Variants in ANKUB1 observed in about 807,000 individuals in gnomAD.
ANKUB1 encodes ankyrin repeat and ubiquitin domain containing 1.
Under a neutral mutation model 49.3 loss-of-function variants are expected in ANKUB1, and 42 were observed. The observed-to-expected ratio is 0.85, with a 90% CI of 0.67 to 1.10. The LOEUF (loss-of-function observed/expected upper bound fraction) is 1.10, where lower values mean the gene tolerates loss of function less well. Among genes scored for constraint, ANKUB1 ranks in the 50% least tolerant of loss-of-function variants. The pLI is 0.00. For synonymous variants in ANKUB1, 222 were observed against 231.0 expected (o/e 0.96, Z 0.35); for missense variants, 613 against 642.0 (o/e 0.95, Z 0.49).
intron 4 of ANKUB1, among the ~76,000 whole-genome samples, chr3:149,770,082 A>G (rs1455354015): frequency 6.6e-6 from 1 of 152,170 alleles, no homozygotes; most frequent in Admixed American, 6.5e-5. Context: ...ACTAGGAAAT[A>G]TATTTTCTTT....
intron 5 of ANKUB1, among the ~76,000 whole-genome samples, chr3:149,765,426 G>A (rs1037970091): frequency 6.6e-6 from 1 of 152,078 alleles, no homozygotes; most frequent in Non-Finnish European, 1.5e-5. Flanking sequence ...CCATATATGT[G>A]AGATTAGTGG....
At chr3:149,789,616 T>C (rs1165903786) in intron 2 of ANKUB1, among the ~76,000 whole-genome samples, 1 of 148,004 alleles carries the variant, frequency 6.8e-6, no homozygotes, top group Non-Finnish European at 1.5e-5. Context: ...TAATAATAAA[T>C]ATTGAAGAAT....
chr3:149,764,457 A>G (rs1046807997), intron 5 of ANKUB1, among the ~76,000 whole-genome samples: 11 of 151,626 alleles, frequency 7.3e-5, no homozygotes, highest in Non-Finnish European at 1.6e-4. Context: ...AAATGGAAAG[A>G]GGATTTGCTA....
chr3:149,764,947 G>A (rs773697925), intron 5 of ANKUB1, among the ~76,000 whole-genome samples: 20 of 151,836 alleles, frequency 1.3e-4, no homozygotes, highest in Non-Finnish European at 2.6e-4. Context: ...CCTATGACCC[G>A]GCAATTCTAT....
chr3:149,767,030 G>T, intron 5 of ANKUB1, 127 bp downstream of exon 5: 1 of 1,041,472 alleles, frequency 9.6e-7, no homozygotes. Flanking sequence ...CCTTGAAGCT[G>T]GGTATTGATG....
In ANKUB1 at chr3:149,762,562, C is replaced by T. The variant is rs569445927; in HGVS notation, c.1506-949G>A. 3.9e-5 allele frequency among the ~76,000 whole-genome samples: 6 copies of T among 152,240 alleles called. No homozygotes were observed. The East Asian group carries it at 1.2e-3, about 29-fold the overall frequency. Reference sequence around the variant, plus strand: ...TAACTACTGTTGTTCTAGTCCAGGTCTTTATTTTCTCTTATTTCTCTTTTT... The same window carrying T: ...TAACTACTGTTGTTCTAGTCCAGGTTTTTATTTTCTCTTATTTCTCTTTTT... On this transcript the variant is annotated intron_variant, in intron 5 of 5. Transcript: ENST00000446160.
At chr3:149,791,179 G>A (rs566249660) in intron 1 of ANKUB1, among the ~76,000 whole-genome samples, 7 of 152,210 alleles carry the variant, frequency 4.6e-5, no homozygotes, top group South Asian at 4.2e-4. Flanking sequence ...TATACATGTA[G>A]GCAGCAAATT....
At chr3:149,770,097 T>G (rs1366065351) in intron 4 of ANKUB1, among the ~76,000 whole-genome samples, 1 of 152,192 alleles carries the variant, frequency 6.6e-6, no homozygotes, top group Non-Finnish European at 1.5e-5. Context: ...TTCTTTTCCT[T>G]ATGATTTTCT....
Position 149,767,311 on chromosome 3 carries a change from G to A in ANKUB1, c.1351C>T (p.Leu451Phe). The A allele has an allele frequency of 6.4e-7, 1 of 1,551,610 alleles. No individual in the cohort carries two copies. The highest frequency in any genetic ancestry group is 8.7e-7 in the Non-Finnish European group (1 of 1,146,978). Residue 451 changes from leucine to phenylalanine, a missense_variant, in exon 5 of 6, where the codon CTC becomes TTC. Transcript: ENST00000446160. Reference protein sequence around the residue: ...IKNTYLPQVPLPPVSRVGYSH... With the variant: ...IKNTYLPQVPFPPVSRVGYSH... Reference sequence around the variant, plus strand: ...TATCCCACTCTTGAAACTGGAGGGAGGGGGACTTGGGGAAGATATGTGTTT... The same window carrying A: ...TATCCCACTCTTGAAACTGGAGGGAAGGGGACTTGGGGAAGATATGTGTTT...
At position 149,761,439 on chromosome 3, in the gene ANKUB1, T is replaced by G. The variant is rs1716778219; in HGVS notation, c.*45A>C. ...AAATGTTAACATTAGAACTGGACAT[T>G]CTGTTTGATCAGGTCTTTGTCCAAA... On this transcript the variant is annotated 3_prime_UTR_variant, in exon 6 of 6. Coordinates refer to ENST00000446160, the MANE Select transcript of ANKUB1 (RefSeq NM_001144960.3). 1 of 1,546,126 alleles carries G rather than the reference T, an allele frequency of 6.5e-7. No individual in the cohort carries two copies. Among genetic ancestry groups the G allele is most frequent in the African/African-American group, 1.4e-5 (1 of 72,810 alleles).
rs889721726 is a variant in ANKUB1, at chr3:149,780,149, A to G, written c.451+90T>C. The G allele has an allele frequency of 3.9e-6, 4 of 1,025,826 alleles. No individual in the cohort carries two copies. In the African/African-American group the frequency reaches 6.5e-5, roughly 17 times the overall value. 63.5% of individuals were successfully genotyped at this position (1,025,826 alleles called of 1,614,324 possible). On this transcript the variant is annotated intron_variant, in intron 3 of 5. Coordinates refer to ENST00000446160, the MANE Select transcript of ANKUB1 (RefSeq NM_001144960.3). ...TAACAGATTGTATATGAAAATCTAGATTTCTATTTTCTCTTGAAAAGCTGC... is the reference window on the plus strand; with the variant it reads ...TAACAGATTGTATATGAAAATCTAGGTTTCTATTTTCTCTTGAAAAGCTGC...
rs749734372 is a variant in ANKUB1, at chr3:149,790,824, T to C, written c.191A>G (p.Asp64Gly). 3.9e-6 allele frequency: 6 copies of C among 1,552,012 alleles called. No individual in the cohort carries two copies. Among genetic ancestry groups the C allele is most frequent in the Non-Finnish European group, 5.2e-6 (6 of 1,147,000 alleles). ...AALKDSWSLA[D>G]VGISFCSTLK... is the part of the protein sequence containing the mutation. Reference sequence around the variant, plus strand: ...AGTTGAACAGAAAGATATTCCAACATCAGCAAGACTCCAACTGTCCTTTAG... The same window carrying C: ...AGTTGAACAGAAAGATATTCCAACACCAGCAAGACTCCAACTGTCCTTTAG... Residue 64 changes from aspartate (D) to glycine (G), a missense_variant, in exon 2 of 6, where the codon GAT (aspartate) becomes GGT (glycine). By Grantham distance (94) the Asp-to-Gly change is moderately conservative. Transcript: ENST00000446160.
intron 2 of ANKUB1, among the ~76,000 whole-genome samples, chr3:149,789,978 T>C (rs1307710812): frequency 6.6e-6 from 1 of 152,200 alleles, no homozygotes; most frequent in Non-Finnish European, 1.5e-5. Flanking sequence ...TTGACTACCA[T>C]AATTTTTTAA....
chr3:149,787,371 G>C (rs1718153471), intron 2 of ANKUB1, among the ~76,000 whole-genome samples: 1 of 152,098 alleles, frequency 6.6e-6, no homozygotes, highest in Admixed American at 6.6e-5. Context: ...TTGGCTCTCT[G>C]TCTGTTATAG....
At chr3:149,791,955 G>A (rs1718377531) in intron 1 of ANKUB1, among the ~76,000 whole-genome samples, 1 of 152,096 alleles carries the variant, frequency 6.6e-6, no homozygotes, top group African/African-American at 2.4e-5. Flanking sequence ...CCTGAAGTTG[G>A]TGTCTTGCTT....
At chr3:149,787,663 T>C (rs887200547) in intron 2 of ANKUB1, among the ~76,000 whole-genome samples, 1 of 152,194 alleles carries the variant, frequency 6.6e-6, no homozygotes, top group Admixed American at 6.5e-5. Flanking sequence ...GTATTACCCT[T>C]ATTTCCATTT....
intron 2 of ANKUB1, among the ~76,000 whole-genome samples, chr3:149,787,373 C>T (rs554503481): frequency 1.1e-4 from 16 of 152,002 alleles, no homozygotes; most frequent in African/African-American, 3.9e-4. Context: ...GGCTCTCTGT[C>T]TGTTATAGGT....
intron 2 of ANKUB1, 146 bp downstream of exon 2, chr3:149,790,635 T>A: frequency 1.3e-6 from 1 of 790,724 alleles, no homozygotes; most frequent in Non-Finnish European, 2.0e-6. Context: ...AAAGCATGCG[T>A]AAGACCTGTT....
rs1717404773 is a variant in ANKUB1, at chr3:149,772,354, G to A, written c.452-1680C>T. 2.0e-5 allele frequency among the ~76,000 whole-genome samples: 3 copies of A among 152,212 alleles called. No individual in the cohort carries two copies. The South Asian group carries it at 6.2e-4, about 32-fold the overall frequency. On this transcript the variant is annotated intron_variant, in intron 3 of 5. Transcript: ENST00000446160. ...ATTTTTTCATGTCCTACATCTAAAC[G>A]GTTGCTTAGGCCTGACAGGTTTACC...
Sources: gnomAD v4.1 joint callset for allele counts (sites outside exome capture counted in the v4.1 genomes callset) on GRCh38, gnomAD v4.1.1 for gene constraint, MANE v1.5 for transcripts, NCBI Gene and HGNC (gene_info 2026-07-23, HGNC 2026-07-21) for gene names.